STX8: variants seen among roughly 807,000 people sequenced by gnomAD.
STX8 encodes the protein syntaxin 8.
Under a neutral mutation model 37.5 loss-of-function variants are expected in STX8, and 23 were observed. The observed-to-expected ratio is 0.61, with a 90% CI of 0.44 to 0.87. The LOEUF is 0.87. STX8 is among the 40% of genes least tolerant of loss of function. STX8 has a pLI of 0.00. For missense variants in STX8, 313 were observed against 284.7 expected, an observed-to-expected ratio of 1.10 and a Z score of -0.71; for synonymous variants, 115 against 99.1, an observed-to-expected ratio of 1.16 and a Z score of -0.95.
intron 7 of STX8, among the ~76,000 whole-genome samples, chr17:9,318,893 T>C (rs1909474878): frequency 6.6e-6 from 1 of 152,102 alleles, no homozygotes; most frequent in Non-Finnish European, 1.5e-5. Context: ...TAACAATGAA[T>C]AGAAATGCCA....
At chr17:9,434,205 A>G (rs966408239) in intron 6 of STX8, among the ~76,000 whole-genome samples, 8 of 152,140 alleles carry the variant, frequency 5.3e-5, no homozygotes, top group Non-Finnish European at 7.4e-5. Flanking sequence ...GGGTTTCACC[A>G]TATTAGCCAG....
At chr17:9,310,342 G>A (rs1909148581) in intron 7 of STX8, among the ~76,000 whole-genome samples, 1 of 152,116 alleles carries the variant, frequency 6.6e-6, no homozygotes, top group Non-Finnish European at 1.5e-5. Flanking sequence ...ATCGCTCTTG[G>A]AAATACGCGA....
chr17:9,392,836 T>C (rs1298436413), intron 6 of STX8, among the ~76,000 whole-genome samples: 1 of 152,046 alleles, frequency 6.6e-6, no homozygotes, highest in East Asian at 1.9e-4. Flanking sequence ...TAAAAATGAA[T>C]AGAGCCTCAA....
At chr17:9,425,371 A>G (rs1254377980) in intron 6 of STX8, among the ~76,000 whole-genome samples, 1 of 152,230 alleles carries the variant, frequency 6.6e-6, no homozygotes, top group Non-Finnish European at 1.5e-5. Context: ...ATCATATAAT[A>G]CATGATGATT....
intron 6 of STX8, among the ~76,000 whole-genome samples, chr17:9,433,053 G>A (rs10521157): frequency 0.18 from 27,175 of 152,210 alleles, 2,980 homozygotes; most frequent in Middle Eastern, 0.28. Flanking sequence ...GATGCAGTCA[G>A]GGAAACCAGT....
intron 7 of STX8, among the ~76,000 whole-genome samples, chr17:9,318,041 T>A (rs1909447838): frequency 6.6e-6 from 1 of 152,156 alleles, no homozygotes; most frequent in African/African-American, 2.4e-5. Context: ...TGAAGATACA[T>A]CACACACTTG....
chr17:9,254,687 C>T (rs1906721425), intron 7 of STX8, among the ~76,000 whole-genome samples: 4 of 152,120 alleles, frequency 2.6e-5, no homozygotes, highest in Non-Finnish European at 5.9e-5. Context: ...TGAGCCACCG[C>T]GCCCGGCCTT....
At chr17:9,521,230 T>C (rs1405784688) in intron 4 of STX8, among the ~76,000 whole-genome samples, 3 of 151,982 alleles carry the variant, frequency 2.0e-5, no homozygotes, top group Non-Finnish European at 4.4e-5. Context: ...GCCAGTGTGG[T>C]AATTTAGGTG....
rs115214097 is a variant in STX8 at position 9,439,930 on chromosome 17, C to A, written c.541+51899G>T. ...TTTTCAATTCTCACCCCAAAAGTAC[C>A]CCCGGCATATAGGGAAAATAAAAAG... On this transcript the variant is annotated intron_variant, in intron 6 of 7. Transcript: ENST00000306357. Among the ~76,000 whole-genome samples the A allele has an allele frequency of 5.0e-3, 757 of 152,108 alleles. 9 individuals carry two copies. Among genetic ancestry groups the A allele is most frequent in the African/African-American group, 0.018 (726 of 41,438 alleles).
At chr17:9,404,054 T>C (rs762687147) in intron 6 of STX8, among the ~76,000 whole-genome samples, 4 of 152,224 alleles carry the variant, frequency 2.6e-5, no homozygotes, top group Non-Finnish European at 5.9e-5. Context: ...ATATGTTATA[T>C]GTATTATACA....
At chr17:9,556,802 C>CATAT (rs1183053093) in intron 3 of STX8, 29 of 94,986 alleles carry the variant, frequency 3.1e-4, no homozygotes, top group African/African-American at 1.0e-3. Flanking sequence ...TATACACATA[C>CATAT]ATATATATAT....
intron 6 of STX8, among the ~76,000 whole-genome samples, chr17:9,486,575 G>A (rs539018047): frequency 1.6e-3 from 239 of 152,222 alleles, no homozygotes; most frequent in Admixed American, 2.8e-3. Context: ...GCTCTGCTGC[G>A]GGTGGTGGCT....
intron 2 of STX8, among the ~76,000 whole-genome samples, chr17:9,559,893 C>T (rs576919001): frequency 1.4e-5 from 2 of 147,194 alleles, no homozygotes; most frequent in African/African-American, 2.5e-5. Context: ...TCCTGAGTAG[C>T]TGGGACTACA....
intron 6 of STX8, among the ~76,000 whole-genome samples, chr17:9,458,122 T>C (rs1905233215): frequency 6.6e-6 from 1 of 152,234 alleles, no homozygotes; most frequent in Non-Finnish European, 1.5e-5. Context: ...GCATATACTA[T>C]TATATATGGA....
chr17:9,304,340 T>A (rs1908882963), intron 7 of STX8, among the ~76,000 whole-genome samples: 1 of 151,082 alleles, frequency 6.6e-6, no homozygotes. Context: ...AGAAACCTCG[T>A]CTCTACAAAA....
chr17:9,264,450 G>A (rs1228276154), intron 7 of STX8, among the ~76,000 whole-genome samples: 1 of 152,154 alleles, frequency 6.6e-6, no homozygotes, highest in Non-Finnish European at 1.5e-5. Flanking sequence ...GACCACATGT[G>A]CATGCCACCA....
At chr17:9,556,779 A>ATATATATATATATG in intron 3 of STX8, 1 of 61,478 alleles carries the variant, frequency 1.6e-5, no homozygotes, top group Non-Finnish European at 2.9e-5. Context: ...ATATATATAT[A>ATATATATATATATG]TATATATATA....
intron 6 of STX8, among the ~76,000 whole-genome samples, chr17:9,454,819 A>C (rs1905143579): frequency 6.6e-6 from 1 of 152,366 alleles, no homozygotes; most frequent in South Asian, 2.1e-4. Context: ...TTTGGGAAAG[A>C]AACTGTTCTA....
chr17:9,474,135 T>C (rs1905998904), intron 6 of STX8, among the ~76,000 whole-genome samples: 1 of 151,670 alleles, frequency 6.6e-6, no homozygotes, highest in Non-Finnish European at 1.5e-5. Flanking sequence ...GGGGCAGGAG[T>C]TGGGGGACAA....
Sources: gnomAD v4.1 joint callset for allele counts (sites outside exome capture counted in the v4.1 genomes callset) on GRCh38, gnomAD v4.1.1 for gene constraint, MANE v1.5 for transcripts, NCBI Gene and HGNC (gene_info 2026-07-23, HGNC 2026-07-21) for gene names.